TSGA10: variants seen among roughly 807,000 people sequenced by gnomAD.
The protein encoded by TSGA10 is testis-specific gene 10 protein.
A neutral mutation model predicts 96.6 loss-of-function variants in TSGA10; 43 were observed. The ratio of observed to expected loss-of-function variants is 0.44; its 90% confidence interval spans 0.35 to 0.57. The LOEUF is 0.57. Among genes scored for constraint, TSGA10 ranks in the 20% least tolerant of loss-of-function variants. The pLI is 0.01. For missense variants in TSGA10, 703 were observed against 834.4 expected, an observed-to-expected ratio of 0.84 and a Z score of 1.94; for synonymous variants, 229 against 269.9, an observed-to-expected ratio of 0.85 and a Z score of 1.48.
rs183056787 is a variant in TSGA10, at chr2:99,133,855, C to T, written c.-620-6679G>A. 1.7e-4 allele frequency among the ~76,000 whole-genome samples: 26 copies of T among 152,282 alleles called. 1 individual carries two copies. The South Asian group carries it at 3.7e-3, about 22-fold the overall frequency. ...CCTTTGTTTATGAAGCTTAGTTTGG[C>T]TGGATATGAAATTCTGGGTTGAAAA... On this transcript the variant is annotated intron_variant, in intron 1 of 20. Coordinates refer to ENST00000393483, the MANE Select transcript of TSGA10 (RefSeq NM_025244.4).
At chr2:99,097,407 T>A (rs1422824017) in intron 10 of TSGA10, among the ~76,000 whole-genome samples, 1 of 152,094 alleles carries the variant, frequency 6.6e-6, no homozygotes, top group Admixed American at 6.6e-5. Flanking sequence ...CAAACAACAG[T>A]AAGTGTTTTA....
intron 20 of TSGA10, among the ~76,000 whole-genome samples, chr2:99,012,451 A>T (rs1190076482): frequency 6.6e-6 from 1 of 152,232 alleles, no homozygotes; most frequent in Non-Finnish European, 1.5e-5. Flanking sequence ...CACCTAACAC[A>T]TAAGGACTCA....
chr2:99,008,859 C>G (rs1171977416), intron 20 of TSGA10, among the ~76,000 whole-genome samples: 1 of 152,050 alleles, frequency 6.6e-6, no homozygotes, highest in African/African-American at 2.4e-5. Context: ...TAAGGAGAAT[C>G]TCTATGAATC....
intron 20 of TSGA10, among the ~76,000 whole-genome samples, chr2:99,002,244 G>A (rs1237402264): frequency 1.3e-5 from 2 of 152,186 alleles, no homozygotes; most frequent in South Asian, 2.1e-4. Context: ...AGAAAGGTCC[G>A]GTTACCCACA....
In TSGA10 at chr2:99,148,836, T is replaced by G. The variant is rs533245841; in HGVS notation, c.-621+5857A>C. Among the ~76,000 whole-genome samples, 8 of 152,114 alleles carry G rather than the reference T, an allele frequency of 5.3e-5. No individual in the cohort carries two copies. The East Asian group carries it at 1.2e-3, about 22-fold the overall frequency. On this transcript the variant is annotated intron_variant, in intron 1 of 20. Coordinates refer to ENST00000393483, the MANE Select transcript of TSGA10 (RefSeq NM_025244.4). ...AAATACAAACGTTAGAGTTTCTGTT[T>G]GGGATGATTAAAAGTTCTGGAGATG...
At chr2:99,039,654 A>G (rs972203896) in intron 16 of TSGA10, among the ~76,000 whole-genome samples, 2 of 152,132 alleles carry the variant, frequency 1.3e-5, no homozygotes, top group African/African-American at 4.8e-5. Flanking sequence ...CAATGAAGAA[A>G]AGTCCAGGAC....
intron 16 of TSGA10, among the ~76,000 whole-genome samples, chr2:99,062,823 T>A (rs947816394): frequency 1.3e-5 from 2 of 152,202 alleles, no homozygotes; most frequent in Non-Finnish European, 2.9e-5. Flanking sequence ...GAAAGGATTA[T>A]CTCAAAACTT....
chr2:99,043,904 C>T (rs780616987), intron 16 of TSGA10, among the ~76,000 whole-genome samples: 1 of 152,080 alleles, frequency 6.6e-6, no homozygotes, highest in Non-Finnish European at 1.5e-5. Flanking sequence ...GAATTCTCAA[C>T]CCAGAATTTC....
chr2:99,119,547 T>C (rs531832619), intron 2 of TSGA10, among the ~76,000 whole-genome samples: 1 of 152,296 alleles, frequency 6.6e-6, no homozygotes, highest in South Asian at 2.1e-4. Context: ...ACACTTGAAA[T>C]TGAAGTGTTA....
intron 4 of TSGA10, among the ~76,000 whole-genome samples, chr2:99,114,946 T>A (rs190636849): frequency 0.011 from 1,647 of 152,144 alleles, 9 homozygotes; most frequent in Middle Eastern, 0.027. Flanking sequence ...ATATATATAT[T>A]TTTTTGAGAT....
At chr2:99,135,395 GA>G (rs1286725364) in intron 1 of TSGA10, among the ~76,000 whole-genome samples, 2 of 152,186 alleles carry the variant, frequency 1.3e-5, no homozygotes, top group Non-Finnish European at 2.9e-5. Context: ...TGGAAATGCA[GA>G]AATCACCTGC....
intron 4 of TSGA10, among the ~76,000 whole-genome samples, chr2:99,113,060 G>A (rs1195049005): frequency 6.6e-6 from 1 of 151,808 alleles, no homozygotes; most frequent in East Asian, 2.0e-4. Flanking sequence ...TTTTAATTCT[G>A]CTTCACATTT....
chr2:99,055,714 G>A (rs2083903050), intron 16 of TSGA10, among the ~76,000 whole-genome samples: 3 of 151,910 alleles, frequency 2.0e-5, no homozygotes. Context: ...AAACAGCCAG[G>A]CAGAGTAGCT....
At chr2:99,007,084 T>C (rs1041515202) in intron 20 of TSGA10, among the ~76,000 whole-genome samples, 1 of 151,854 alleles carries the variant, frequency 6.6e-6, no homozygotes, top group African/African-American at 2.4e-5. Context: ...TAGGTGGGAA[T>C]TGAACAATGA....
chr2:99,106,484 T>A (rs935679462), intron 7 of TSGA10, among the ~76,000 whole-genome samples: 1 of 151,926 alleles, frequency 6.6e-6, no homozygotes, highest in African/African-American at 2.4e-5. Flanking sequence ...TGCTCCCTTA[T>A]CTTGAAAACC....
chr2:99,076,175 TG>T (rs1171145222), intron 12 of TSGA10, among the ~76,000 whole-genome samples: 3 of 152,218 alleles, frequency 2.0e-5, no homozygotes, highest in African/African-American at 7.2e-5. Flanking sequence ...TTCTAGTTCC[TG>T]TTTCTTCCTT....
intron 16 of TSGA10, among the ~76,000 whole-genome samples, chr2:99,051,445 C>T (rs537191581): frequency 4.0e-4 from 61 of 152,108 alleles, no homozygotes; most frequent in Non-Finnish European, 5.3e-4. Context: ...TAAGAATATA[C>T]GTATATATGA....
intron 16 of TSGA10, among the ~76,000 whole-genome samples, chr2:99,053,368 T>C (rs1573891618): frequency 6.9e-6 from 1 of 145,210 alleles, no homozygotes; most frequent in African/African-American, 2.6e-5. Flanking sequence ...AAAAAAAAAA[T>C]ACTAGCAAAC....
intron 14 of TSGA10, among the ~76,000 whole-genome samples, chr2:99,071,328 A>C (rs2085932474): frequency 6.6e-6 from 1 of 152,168 alleles, no homozygotes; most frequent in Non-Finnish European, 1.5e-5. Context: ...ACCAAAAAAC[A>C]AGGCACAGTC....
Sources: gnomAD v4.1 joint callset for allele counts (sites outside exome capture counted in the v4.1 genomes callset) on GRCh38, gnomAD v4.1.1 for gene constraint, MANE v1.5 for transcripts, NCBI Gene and HGNC (gene_info 2026-07-23, HGNC 2026-07-21) for gene names.